Variants in KBTBD4 observed in about 807,000 individuals in gnomAD.
The protein encoded by KBTBD4 is kelch repeat and BTB domain containing 4.
In KBTBD4, 30 loss-of-function variants were observed where a neutral mutation model predicts 43.9. The ratio of observed to expected loss-of-function variants is 0.68; its 90% CI spans 0.51 to 0.93. KBTBD4 has a LOEUF of 0.93. Among genes scored for constraint, KBTBD4 ranks in the 40% least tolerant of loss-of-function variants. The probability of loss-of-function intolerance (pLI) is 0.00; values close to 1 mark genes in which losing one functional copy is unlikely to be tolerated. For missense variants in KBTBD4, 575 were observed against 668.8 expected, an observed-to-expected ratio of 0.86 and a Z score of 1.55; for synonymous variants, 258 against 256.9, an observed-to-expected ratio of 1.00 and a Z score of -0.04.
intron 1 of KBTBD4, 67 bp from the exon 2 acceptor site, chr11:47,578,095 C>A: frequency 6.4e-7 from 1 of 1,571,240 alleles, no homozygotes; most frequent in Non-Finnish European, 8.7e-7. Context: ...TCCAACTGTC[C>A]AACTCAGGGA....
chr11:47,575,820 T>C (rs2097258175), intron 2 of KBTBD4, 121 bp from the exon 3 acceptor site: 2 of 624,492 alleles, frequency 3.2e-6, no homozygotes, highest in Non-Finnish European at 5.7e-6. Flanking sequence ...TATGTGTACA[T>C]GCATACATAC....
rs201020775 is a variant in KBTBD4 at position 47,577,422 on chromosome 11, T to G, written c.626A>C (p.Asp209Ala). 12 of 1,603,696 alleles carry G rather than the reference T, an allele frequency of 7.5e-6. No individual in the cohort carries two copies. The highest frequency in any genetic ancestry group is 8.5e-6 in the Non-Finnish European group (10 of 1,171,678). Reference sequence around the variant, plus strand: ...CTCCCTAAACTTACCCGAGATGATATCTGTGAGTAAGCGGTGGGGCAAGTG... The same window carrying G: ...CTCCCTAAACTTACCCGAGATGATAGCTGTGAGTAAGCGGTGGGGCAAGTG... The part of the protein sequence containing the change: ...FLHLPHRLLT[D>A]IISDGVPCSQ... Residue 209 changes from aspartate (D) to alanine (A), a missense_variant, in exon 2 of 4, where the codon GAT (aspartate) becomes GCT (alanine). Physicochemically the swap from Asp to Ala is moderately radical, Grantham distance 126 (BLOSUM62 -2). Transcript: ENST00000430070.
In KBTBD4 at chr11:47,578,228, C is replaced by A. The variant is rs1161410200; in HGVS notation, c.20-200G>T. On this transcript the variant is annotated intron_variant, in intron 1 of 3. Coordinates refer to ENST00000430070, the MANE Select transcript of KBTBD4 (RefSeq NM_018095.6). ...TTCGTTATCCCCAGTGGCGCCCCTC[C>A]GCTAATGATATAAATAAAAGTTCCA... is the stretch of plus-strand genomic sequence containing the variant. 5.0e-6 allele frequency: 3 copies of A among 598,934 alleles called. No homozygotes were observed. In the African/African-American group the frequency reaches 5.6e-5, roughly 11 times the overall value. The allele number at this position is 598,934 out of a possible 1,614,324, so 37.1% of individuals were successfully genotyped here. A position where few individuals can be genotyped will look rare whatever the true frequency, so the allele number is the denominator to read the frequency against.
chr11:47,576,114 G>A (rs1434486591), intron 2 of KBTBD4, among the ~76,000 whole-genome samples: 1 of 147,480 alleles, frequency 6.8e-6, no homozygotes, highest in Non-Finnish European at 1.5e-5. Context: ...GCCTCCCAAA[G>A]TGCTGGGATT....
Position 47,573,247 on chromosome 11 carries a change from GC to G in KBTBD4, c.1287del (p.Lys429AsnfsTer36). On this transcript the variant is annotated frameshift_variant, in exon 4 of 4. Transcript: ENST00000430070. LOFTEE classifies it high-confidence loss of function. This position sits in a 1 kb window ranked among gnomAD's most constrained non-coding sequence, Gnocchi z 4.1. ...CGGCCTGCAAAGGGCAGCACATAGG[GC>G]TTCACATGGCATTTGTCTGTCTCTG... is the stretch of plus-strand genomic sequence containing the variant. ...FDTETDKCHVKPYVLPFAGRM... is the reference protein window; with the variant it reads ...FDTETDKCHVXPYVLPFAGRM... The G allele has an allele frequency of 6.2e-7, 1 of 1,614,124 alleles. No individual in the cohort carries two copies.
In KBTBD4 at chr11:47,578,870, C is replaced by T. The variant is rs1308366589; in HGVS notation, c.19+63G>A. ...GTCCTCGCCTTCTCTCTAGGCTCTGCCACAAGGAGCTAGGACCACGCTCAC... is the reference window on the plus strand; with the variant it reads ...GTCCTCGCCTTCTCTCTAGGCTCTGTCACAAGGAGCTAGGACCACGCTCAC... On this transcript the variant is annotated intron_variant, in intron 1 of 3. Transcript: ENST00000430070. 4 of 1,550,908 alleles carry T rather than the reference C, an allele frequency of 2.6e-6. No individual in the cohort carries two copies. The South Asian group carries it at 3.6e-5, about 14-fold the overall frequency.
Position 47,575,696 on chromosome 11 carries a change from C to T in KBTBD4, c.641G>A (p.Gly214Glu). 1 of 1,596,036 alleles carries T rather than the reference C, an allele frequency of 6.3e-7. No individual in the cohort carries two copies. Among genetic ancestry groups the T allele is most frequent in the Non-Finnish European group, 8.6e-7 (1 of 1,168,606 alleles). Residue 214 changes from glycine (G) to glutamate (E), a missense_variant, in exon 3 of 4, where the codon GGA (glycine) becomes GAA (glutamate). By Grantham distance (98) the Gly-to-Glu change is moderately conservative. Transcript: ENST00000430070. ...HRLLTDIISDGVPCSQNPTEA... is the reference protein window; with the variant it reads ...HRLLTDIISDEVPCSQNPTEA... ...TGTTGGGTTCTGAGAACACGGAACT[C>T]CATCTGTGAGAGCCAGAGGAAAGGC...
At chr11:47,575,161 G>C (rs2097256724) in intron 3 of KBTBD4, among the ~76,000 whole-genome samples, 1 of 148,750 alleles carries the variant, frequency 6.7e-6, no homozygotes, top group Non-Finnish European at 1.5e-5. Flanking sequence ...AGCGAGCTGA[G>C]ATTGCACCAC....
In KBTBD4 at chr11:47,577,907, A is replaced by G; in HGVS notation, c.141T>C (p.Ala47=). Residue 47 remains alanine (A), a synonymous_variant, in exon 2 of 4, where the codon GCT becomes GCC. Transcript: ENST00000430070. ...CTAGACACAGTTTCATGATGCCTTG[A>G]GCCACACGGCCTGAATGTGACCGAT... The part of the protein sequence containing the change: ...FKDRSHSGRV[A]QGIMKLCLEE... 1 of 1,614,210 alleles carries G rather than the reference A, an allele frequency of 6.2e-7. No homozygotes were observed. Among genetic ancestry groups the G allele is most frequent in the Non-Finnish European group, 8.5e-7 (1 of 1,180,048 alleles).
chr11:47,575,830 C>A (rs1172992173), intron 2 of KBTBD4, 131 bp from the exon 3 acceptor site: 9 of 512,338 alleles, frequency 1.8e-5, no homozygotes, highest in Non-Finnish European at 2.8e-5. Context: ...TGCATACATA[C>A]ACATATACAT....
chr11:47,575,352 C>T (rs955081325), intron 3 of KBTBD4, among the ~76,000 whole-genome samples: 1 of 151,470 alleles, frequency 6.6e-6, no homozygotes, highest in East Asian at 2.0e-4. Context: ...ACTAAAAATA[C>T]AAAAATTAGC....
Position 47,572,244 on chromosome 11 carries a change from T to C in KBTBD4, c.*686A>G, listed in dbSNP as rs1043378671. ...TATCAACAGTTCCTAGCTCTTGACT[T>C]AGCTTAGAGCTTTTAAAAGAGCAGA... On this transcript the variant is annotated 3_prime_UTR_variant, in exon 4 of 4. Transcript: ENST00000430070. 1 of 152,882 alleles carries C rather than the reference T, an allele frequency of 6.5e-6. No individual in the cohort carries two copies. The highest frequency in any genetic ancestry group is 2.4e-5 in the African/African-American group (1 of 41,472). 9.5% of individuals were successfully genotyped at this position (152,882 alleles called of 1,614,324 possible).
Position 47,577,961 on chromosome 11 carries a change from C to A in KBTBD4, c.87G>T (p.Glu29Asp). 1 of 1,614,214 alleles carries A rather than the reference C, an allele frequency of 6.2e-7. No homozygotes were observed. Among genetic ancestry groups the A allele is most frequent in the Non-Finnish European group, 8.5e-7 (1 of 1,180,028 alleles). ...SPEEPGASMD[E>D]NYFVNYTFKD... Reference sequence around the variant, plus strand: ...TGAAAGTGTAGTTCACAAAGTAGTTCTCATCCATGGATGCTCCAGGCTCCT... The same window carrying A: ...TGAAAGTGTAGTTCACAAAGTAGTTATCATCCATGGATGCTCCAGGCTCCT... The change falls in exon 2 of 4, where the codon GAG becomes GAT. Residue 29 changes from glutamate (E) to aspartate (D), a missense_variant. By Grantham distance (45) the Glu-to-Asp change is conservative. Coordinates refer to ENST00000430070, the MANE Select transcript of KBTBD4 (RefSeq NM_018095.6).
chr11:47,576,931 C>T (rs1012689975), intron 2 of KBTBD4, among the ~76,000 whole-genome samples: 1 of 152,172 alleles, frequency 6.6e-6, no homozygotes, highest in Admixed American at 6.5e-5. Flanking sequence ...CCCACCTCGG[C>T]CTCCCAAAGT....
chr11:47,577,100 A>G (rs1369041253), intron 2 of KBTBD4, among the ~76,000 whole-genome samples: 1 of 152,226 alleles, frequency 6.6e-6, no homozygotes, highest in Non-Finnish European at 1.5e-5. Flanking sequence ...TTACATAGGT[A>G]ATTAGACCCA....
intron 2 of KBTBD4, among the ~76,000 whole-genome samples, chr11:47,576,005 A>G (rs1403827287): frequency 1.3e-5 from 2 of 151,634 alleles, no homozygotes; most frequent in Non-Finnish European, 2.9e-5. Flanking sequence ...GGTGTGCACC[A>G]CCACGCCTGG....
Position 47,577,577 on chromosome 11 carries a change from T to C in KBTBD4, c.471A>G (p.Thr157=), listed in dbSNP as rs746431319. Residue 157 remains threonine, a synonymous_variant, in exon 2 of 4, where the codon ACA becomes ACG. Transcript: ENST00000430070. ...FEECSRFLAR[T]VQVGNCLQVM... is the part of the protein sequence containing the mutation. ...CCTGAAGGCAGTTTCCCACTTGCAC[T>C]GTGCGGGCCAAAAACCGAGAGCATT... 2.2e-5 allele frequency: 35 copies of C among 1,614,082 alleles called. 1 individual carries two copies. Among genetic ancestry groups the C allele is most frequent in the Non-Finnish European group, 2.6e-5 (31 of 1,180,044 alleles).
chr11:47,578,772 G>A (rs955730062), intron 1 of KBTBD4, 161 bp downstream of exon 1: 3 of 1,509,672 alleles, frequency 2.0e-6, no homozygotes, highest in African/African-American at 1.4e-5. Flanking sequence ...CTCAGAGAGC[G>A]GGGGAGGGGT....
intron 3 of KBTBD4, among the ~76,000 whole-genome samples, chr11:47,574,850 A>G (rs540673866): frequency 5.1e-4 from 74 of 144,804 alleles, no homozygotes; most frequent in African/African-American, 1.9e-3. Flanking sequence ...GCGAAACTCC[A>G]TCTCTCTCTC....
Sources: gnomAD v4.1 joint callset for allele counts (sites outside exome capture counted in the v4.1 genomes callset) on GRCh38, gnomAD v4.1.1 for gene constraint, Gnocchi (gnomAD v3.1) non-coding constraint, MANE v1.5 for transcripts, NCBI Gene and HGNC (gene_info 2026-07-23, HGNC 2026-07-21) for gene names.